The following SAXO1 variants were observed in gnomAD, a reference collection of about 807,000 sequenced individuals.
SAXO1 encodes 4930500O09Rik.
SAXO1 carries 21 observed loss-of-function variants against 17.5 expected under a neutral mutation model. That is an observed-to-expected ratio of 1.20 (90% CI 0.85 to 1.72). SAXO1 has a LOEUF of 1.72. Ranked by LOEUF, SAXO1 falls within the 40% of genes most tolerant of loss-of-function variation. SAXO1 has a pLI of 0.00. For synonymous variants in SAXO1, 274 were observed against 216.5 expected, an observed-to-expected ratio of 1.27 and a Z score of -2.33; for missense variants, 843 against 596.0, an observed-to-expected ratio of 1.41 and a Z score of -4.32.
chr9:18,999,624 G>T (rs1305484303), intron 1 of SAXO1, among the ~76,000 whole-genome samples: 4 of 149,896 alleles, frequency 2.7e-5, no homozygotes, highest in Non-Finnish European at 5.9e-5. Flanking sequence ...CACCATCTGG[G>T]AAGTGAAGAG....
intron 3 of SAXO1, 127 bp downstream of exon 3, chr9:18,941,510 G>T: frequency 9.6e-7 from 1 of 1,042,560 alleles, no homozygotes; most frequent in East Asian, 2.5e-5. Flanking sequence ...CTGCTGGCCA[G>T]ATCTGGCCCG....
intron 1 of SAXO1, chr9:19,027,886 G>T: frequency 7.3e-7 from 1 of 1,370,326 alleles, no homozygotes. Context: ...TGGACCGCAA[G>T]ATCGAGTGCC....
At chr9:18,941,250 T>G (rs1430535729) in intron 3 of SAXO1, among the ~76,000 whole-genome samples, 1 of 152,130 alleles carries the variant, frequency 6.6e-6, no homozygotes, top group Non-Finnish European at 1.5e-5. Context: ...AGGTATTAAG[T>G]GTCTTATGCC....
intron 1 of SAXO1, among the ~76,000 whole-genome samples, chr9:19,023,426 T>TC (rs1835332565): frequency 6.6e-6 from 1 of 152,084 alleles, no homozygotes; most frequent in Non-Finnish European, 1.5e-5. Flanking sequence ...AATAACTCTG[T>TC]TGAGTCAGGT....
chr9:18,981,519 G>C (rs1471462276), intron 1 of SAXO1, among the ~76,000 whole-genome samples: 3 of 152,146 alleles, frequency 2.0e-5, no homozygotes, highest in African/African-American at 7.2e-5. Context: ...AGAGCCCAGA[G>C]CCCTCACAGC....
chr9:18,954,759 T>C (rs968412472), intron 1 of SAXO1, among the ~76,000 whole-genome samples: 2 of 152,156 alleles, frequency 1.3e-5, no homozygotes, highest in African/African-American at 4.8e-5. Context: ...GTCATAGACA[T>C]AGGATAGGCG....
chr9:18,999,804 C>A lies in SAXO1; in HGVS notation c.38+33067G>T, dbSNP rs1588506243. Among the ~76,000 whole-genome samples, 3 of 148,884 alleles carry A rather than the reference C, an allele frequency of 2.0e-5. 1 individual carries two copies. The highest frequency in any genetic ancestry group is 2.0e-4 in the Admixed American group (3 of 15,020). ...TCTGGAGAGTGAGGAGCACCTCTGC[C>A]CGGCTGTCCCACTGTCTGGGAAGTG... On this transcript the variant is annotated intron_variant, in intron 1 of 3. Coordinates refer to ENST00000380534, the MANE Select transcript of SAXO1 (RefSeq NM_153707.4).
At chr9:18,957,064 G>T (rs1832285998) in intron 1 of SAXO1, among the ~76,000 whole-genome samples, 1 of 152,144 alleles carries the variant, frequency 6.6e-6, no homozygotes, top group South Asian at 2.1e-4. Flanking sequence ...TCTCTTTTCT[G>T]GCTGCTCCGA....
intron 1 of SAXO1, among the ~76,000 whole-genome samples, chr9:18,990,700 A>T (rs549980568): frequency 1.3e-5 from 2 of 152,148 alleles, no homozygotes; most frequent in Non-Finnish European, 2.9e-5. Flanking sequence ...GCCACTCCCC[A>T]TTGCTCACAT....
Position 19,048,006 on chromosome 9 carries a change from C to T in SAXO1, c.-158+1203G>A, listed in dbSNP as rs1836262688. ...GAATACATTGAGAGGAGATTTTCCA[C>T]ATACTATATTGTATTATGGAATTTC... is the stretch of plus-strand genomic sequence containing the variant. On this transcript the variant is annotated intron_variant, in intron 1 of 3. Transcript: ENST00000542071. 2.0e-5 allele frequency among the ~76,000 whole-genome samples: 3 copies of T among 152,190 alleles called. No individual in the cohort carries two copies. The South Asian group carries it at 6.2e-4, about 32-fold the overall frequency.
At chr9:18,989,891 A>T (rs1296192046) in intron 1 of SAXO1, among the ~76,000 whole-genome samples, 1 of 152,238 alleles carries the variant, frequency 6.6e-6, no homozygotes, top group African/African-American at 2.4e-5. Context: ...TACAGATTGT[A>T]ACCTTTGAGG....
At chr9:19,021,650 G>A (rs1224245227) in intron 1 of SAXO1, among the ~76,000 whole-genome samples, 1 of 152,212 alleles carries the variant, frequency 6.6e-6, no homozygotes, top group Non-Finnish European at 1.5e-5. Flanking sequence ...ATTAAATCCA[G>A]GACTGCAATC....
At chr9:19,008,613 C>A (rs1834587747) in intron 1 of SAXO1, among the ~76,000 whole-genome samples, 1 of 152,132 alleles carries the variant, frequency 6.6e-6, no homozygotes, top group Admixed American at 6.6e-5. Flanking sequence ...TTATCTTCCT[C>A]TTTTTCCTTA....
At chr9:18,968,978 T>C (rs1225253785) in intron 1 of SAXO1, among the ~76,000 whole-genome samples, 1 of 151,950 alleles carries the variant, frequency 6.6e-6, no homozygotes, top group Non-Finnish European at 1.5e-5. Flanking sequence ...ATGGCTGGGA[T>C]TGATGGATGA....
At chr9:18,963,156 A>G (rs908099108) in intron 1 of SAXO1, among the ~76,000 whole-genome samples, 13 of 152,126 alleles carry the variant, frequency 8.5e-5, no homozygotes, top group Admixed American at 6.5e-4. Context: ...CCATTTGTCT[A>G]CATATCTGTT....
rs147225928 is a variant in SAXO1, at chr9:18,928,873, C to G, written c.604G>C (p.Glu202Gln). 6.2e-7 allele frequency: 1 copy of G among 1,614,030 alleles called. No homozygotes were observed. Among genetic ancestry groups the G allele is most frequent in the Non-Finnish European group, 8.5e-7 (1 of 1,180,040 alleles). Residue 202 changes from glutamate to glutamine, a missense_variant, in exon 4 of 4, where the codon GAG becomes CAG. Physicochemically the swap from Glu to Gln is conservative, Grantham distance 29 (BLOSUM62 2). Coordinates refer to ENST00000380534, the MANE Select transcript of SAXO1 (RefSeq NM_153707.4). ...AMPKLCNIPL[E>Q]DVTNYKMSYV... ...CTCATCTTGTAGTTAGTCACATCCT[C>G]CAAGGGGATGTTACAGAGCTTTGGC...
chr9:18,928,953 T>C lies in SAXO1; in HGVS notation c.524A>G (p.Asp175Gly), dbSNP rs986784679. The change falls in exon 4 of 4, where the codon GAC becomes GGC. Residue 175 changes from aspartate (D) to glycine (G), a missense_variant. Transcript: ENST00000380534. Reference sequence around the variant, plus strand: ...CACAAGGCCTTTTATGGGGTAATCGTCCTGGTGTGTGGTTCTGTTATCAAA... The same window carrying C: ...CACAAGGCCTTTTATGGGGTAATCGCCCTGGTGTGTGGTTCTGTTATCAAA... ...VRFDNRTTHQDDYPIKGLVKT... is the reference protein window; with the variant it reads ...VRFDNRTTHQGDYPIKGLVKT... 12 of 1,614,200 alleles carry C rather than the reference T, an allele frequency of 7.4e-6. No individual in the cohort carries two copies. The highest frequency in any genetic ancestry group is 1.0e-5 in the Non-Finnish European group (12 of 1,180,038).
rs563310655 is a variant in SAXO1 at position 18,934,459 on chromosome 9, C to T, written c.422-5404G>A. On this transcript the variant is annotated intron_variant, in intron 3 of 3. Transcript: ENST00000380534. Reference sequence around the variant, plus strand: ...CAAATCTGCTGTTGAGCCCCTCTAACGAATTTTTTATTTTAGTTATTGCCC... The same window carrying T: ...CAAATCTGCTGTTGAGCCCCTCTAATGAATTTTTTATTTTAGTTATTGCCC... 5.3e-5 allele frequency among the ~76,000 whole-genome samples: 8 copies of T among 152,252 alleles called. 1 individual carries two copies. The highest frequency in any genetic ancestry group is 1.9e-4 in the East Asian group (1 of 5,180).
chr9:19,001,984 C>T (rs11496357), intron 1 of SAXO1, among the ~76,000 whole-genome samples: 72,552 of 151,990 alleles, frequency 0.48, 18,434 homozygotes, highest in Non-Finnish European at 0.57. Context: ...ATCAACAAAA[C>T]AGATAGCCCA....
Sources: allele counts gnomAD v4.1 joint callset (sites outside exome capture counted in the v4.1 genomes callset), GRCh38; gene constraint gnomAD v4.1.1; transcripts MANE v1.5; gene names NCBI Gene and HGNC (gene_info 2026-07-23, HGNC 2026-07-21).